Variants in DOCK7 observed in about 807,000 individuals in gnomAD.
DOCK7 encodes the protein dedicator of cytokinesis protein 7.
Under a neutral mutation model 271.0 loss-of-function variants are expected in DOCK7, and 138 were observed. The ratio of observed to expected loss-of-function variants is 0.51; its 90% CI spans 0.44 to 0.59. DOCK7 has a LOEUF of 0.59. Ranked by LOEUF, DOCK7 falls within the 20% of genes least tolerant of loss-of-function variation. The pLI is 0.00. For synonymous variants in DOCK7, 823 were observed against 876.1 expected, an observed-to-expected ratio of 0.94 and a Z score of 1.07; for missense variants, 2,066 against 2,592.4, an observed-to-expected ratio of 0.80 and a Z score of 4.41.
intron 8 of DOCK7, chr1:62,635,645 C>A (rs985189097): frequency 1.3e-5 from 2 of 152,002 alleles, no homozygotes; most frequent in Admixed American, 1.3e-4. Flanking sequence ...CCAGCAGTTT[C>A]GAGTTAGCAA....
At chr1:62,627,360 T>C (rs1192580410) in intron 11 of DOCK7, among the ~76,000 whole-genome samples, 1 of 152,084 alleles carries the variant, frequency 6.6e-6, no homozygotes, top group East Asian at 1.9e-4. Flanking sequence ...TTCTAAAACA[T>C]TGCAGAAGAG....
chr1:62,619,001 T>C (rs2149586575), intron 13 of DOCK7, 133 bp from the exon 14 acceptor site: 1 of 703,068 alleles, frequency 1.4e-6, no homozygotes, highest in East Asian at 2.7e-5. Flanking sequence ...TTTATATTAT[T>C]ATCATCTCAT....
rs750109197 is a variant in DOCK7, at chr1:62,542,732, T to C, written c.2950-29A>G. On this transcript the variant is annotated intron_variant, in intron 24 of 49. Transcript: ENST00000635253. ...TCCAGAAGTAAATCCAAAGTTATTA[T>C]CAAAGTCAAATCTGCTGATAACATA... 13 of 1,595,116 alleles carry C rather than the reference T, an allele frequency of 8.1e-6. No homozygotes were observed. The South Asian group carries it at 1.4e-4, about 17-fold the overall frequency.
At chr1:62,592,458 A>G (rs1350385221) in intron 14 of DOCK7, among the ~76,000 whole-genome samples, 2 of 152,214 alleles carry the variant, frequency 1.3e-5, no homozygotes, top group Admixed American at 6.5e-5. Context: ...TATAAGATGT[A>G]ATTTTTAAAG....
At chr1:62,678,948 C>T (rs1254023025) in intron 1 of DOCK7, among the ~76,000 whole-genome samples, 1 of 152,042 alleles carries the variant, frequency 6.6e-6, no homozygotes, top group African/African-American at 2.4e-5. Context: ...ACCCCATTTA[C>T]CCTGATGTGA....
intron 14 of DOCK7, among the ~76,000 whole-genome samples, chr1:62,610,873 T>C (rs978290311): frequency 3.9e-5 from 6 of 152,114 alleles, no homozygotes; most frequent in African/African-American, 1.2e-4. Flanking sequence ...TGATGGGCAT[T>C]TGGGTTGGTT....
At chr1:62,619,797 T>C in intron 13 of DOCK7, 103 bp downstream of exon 13, 2 of 609,674 alleles carry the variant, frequency 3.3e-6, no homozygotes, top group Non-Finnish European at 5.3e-6. Flanking sequence ...TAGAAAAATG[T>C]CTGGGCCAGA....
chr1:62,638,290 A>G (rs907312191), intron 7 of DOCK7: 2 of 152,112 alleles, frequency 1.3e-5, no homozygotes, highest in South Asian at 2.1e-4. Context: ...TCGATGAACG[A>G]AAGTTGTCCA....
At position 62,489,034 on chromosome 1, in the gene DOCK7, T is replaced by C. The variant is rs1646380117; in HGVS notation, c.5393A>G (p.Tyr1798Cys). The C allele has an allele frequency of 6.2e-7, 1 of 1,604,870 alleles. No individual in the cohort carries two copies. The highest frequency in any genetic ancestry group is 8.5e-7 in the Non-Finnish European group (1 of 1,173,916). Residue 1798 changes from tyrosine (Y) to cysteine (C), a missense_variant, in exon 42 of 50, where the codon TAC becomes TGC. Transcript: ENST00000635253. ...TTCATGAATAGGAATAAGTACTTTGTAAACTTCATTAACTGCTTCATACAT... is the reference window on the plus strand; with the variant it reads ...TTCATGAATAGGAATAAGTACTTTGCAAACTTCATTAACTGCTTCATACAT... Reference protein sequence around the residue: ...AGMYEAVNEVYKVLIPIHEAN... With the variant: ...AGMYEAVNEVCKVLIPIHEAN...
chr1:62,554,749 T>TA (rs1423851976), intron 21 of DOCK7, among the ~76,000 whole-genome samples: 3 of 152,146 alleles, frequency 2.0e-5, no homozygotes, highest in African/African-American at 7.2e-5. Context: ...AATAAAACAG[T>TA]AAATGGAGGA....
intron 2 of DOCK7, among the ~76,000 whole-genome samples, chr1:62,662,273 T>C (rs532667674): frequency 6.6e-6 from 1 of 152,176 alleles, no homozygotes; most frequent in Non-Finnish European, 1.5e-5. Flanking sequence ...AAAACTGAAT[T>C]TCCTCATGCC....
At chr1:62,568,605 TAA>T (rs549578355) in intron 18 of DOCK7, among the ~76,000 whole-genome samples, 3 of 46,268 alleles carry the variant, frequency 6.5e-5, no homozygotes, top group African/African-American at 8.7e-5. Context: ...GTGCCCTGCC[TAA>T]AAAAAAAAAA....
chr1:62,456,362 T>C (rs552111063), intron 49 of DOCK7, among the ~76,000 whole-genome samples: 1 of 152,252 alleles, frequency 6.6e-6, no homozygotes, highest in African/African-American at 2.4e-5. Flanking sequence ...TGGAATACTC[T>C]TAACATATTT....
intron 14 of DOCK7, among the ~76,000 whole-genome samples, chr1:62,590,774 T>C (rs1333859421): frequency 2.0e-5 from 3 of 151,942 alleles, no homozygotes; most frequent in Admixed American, 2.0e-4. Flanking sequence ...GAAATGCAAT[T>C]CAAAACCACA....
In DOCK7 at chr1:62,545,030, G is replaced by A. The variant is rs1427519080; in HGVS notation, c.2776C>T (p.Arg926Cys). The stretch of plus-strand genomic sequence containing the variant: ...CCAGTGTTAACCCAGGAATTGGAGC[G>A]ATCTAAACCCTAAGCATATAATAGA... ...RSIIGSKGLD[R>C]SNSWVNTGGP... Residue 926 changes from arginine (R) to cysteine (C), a missense_variant, in exon 23 of 50, where the codon CGC becomes TGC. Arg to Cys is a radical substitution (Grantham distance 180). Around this residue, in one of 2 missense-constraint regions of DOCK7, gnomAD observed 1,414 missense variants for 1,670.4 expected, o/e 0.85. Coordinates refer to ENST00000635253, the MANE Select transcript of DOCK7 (RefSeq NM_001367561.1). The A allele has an allele frequency of 5.2e-6, 8 of 1,549,118 alleles. No individual in the cohort carries two copies. Among genetic ancestry groups the A allele is most frequent in the Middle Eastern group, 1.7e-4 (1 of 5,976 alleles).
intron 48 of DOCK7, among the ~76,000 whole-genome samples, chr1:62,468,362 A>C (rs77933992): frequency 6.8e-6 from 1 of 147,046 alleles, no homozygotes. Context: ...CTCTGTCTCA[A>C]AAAAAAAAAA....
intron 30 of DOCK7, among the ~76,000 whole-genome samples, chr1:62,528,666 C>T (rs1262536908): frequency 6.6e-6 from 1 of 152,188 alleles, no homozygotes; most frequent in Non-Finnish European, 1.5e-5. Context: ...TCTTAATACA[C>T]ATTAGATACT....
intron 49 of DOCK7, among the ~76,000 whole-genome samples, chr1:62,456,743 GGA>G (rs1210531228): frequency 6.6e-6 from 1 of 152,050 alleles, no homozygotes; most frequent in Admixed American, 6.6e-5. Flanking sequence ...CCTATCTCAG[GGA>G]CCCAGCACCC....
chr1:62,615,087 CAT>C (rs1557805359), intron 14 of DOCK7, among the ~76,000 whole-genome samples: 1 of 151,866 alleles, frequency 6.6e-6, no homozygotes, highest in African/African-American at 2.4e-5. Context: ...ATAAGCTACA[CAT>C]ATAGTCGTAC....
Sources: allele counts gnomAD v4.1 joint callset (sites outside exome capture counted in the v4.1 genomes callset), GRCh38; gene constraint gnomAD v4.1.1; regional missense constraint gnomAD v4.1.1; transcripts MANE v1.5; gene names NCBI Gene and HGNC (gene_info 2026-07-23, HGNC 2026-07-21).